The following LUC7L2 variants were observed in gnomAD, a reference collection of about 807,000 sequenced individuals.
LUC7L2 encodes the protein putative RNA-binding protein Luc7-like 2.
A neutral mutation model predicts 52.8 loss-of-function variants in LUC7L2; 25 were observed. The ratio of observed to expected loss-of-function variants is 0.47; its 90% CI spans 0.34 to 0.66. The LOEUF (loss-of-function observed/expected upper bound fraction) is 0.66, where lower values mean the gene tolerates loss of function less well. Ranked by LOEUF, LUC7L2 falls within the 30% of genes least tolerant of loss-of-function variation. LUC7L2 has a pLI of 0.01. For synonymous variants in LUC7L2, 144 were observed against 160.9 expected, an observed-to-expected ratio of 0.89 and a Z score of 0.80; for missense variants, 328 against 497.8, an observed-to-expected ratio of 0.66 and a Z score of 3.25.
At position 139,341,370 on chromosome 7, in the gene LUC7L2, GAGA is replaced by G. The variant is rs559843930; in HGVS notation, c.-26+856_-26+858del. 899 of 1,605,168 alleles carry G rather than the reference GAGA, an allele frequency of 5.6e-4. 5 individuals carry two copies. The highest frequency in any genetic ancestry group is 4.1e-3 in the South Asian group (373 of 90,848). ...AGGACGCCGTTGGGCACCACGCTCG[GAGA>G]AGGACAGGACAATGGCGGCCTTAGG... is the stretch of plus-strand genomic sequence containing the variant. On this transcript the variant is annotated intron_variant, in intron 1 of 10. Transcript: ENST00000541170.
chr7:139,374,403 T>C, intron 1 of LUC7L2: 1 of 1,550,648 alleles, frequency 6.4e-7, no homozygotes, highest in South Asian at 1.2e-5. Flanking sequence ...TTGTAAAGGT[T>C]CAATGTATCT....
chr7:139,416,850 C>T (rs1191039361), intron 8 of LUC7L2: 1 of 152,126 alleles, frequency 6.6e-6, no homozygotes, highest in Non-Finnish European at 1.5e-5. Flanking sequence ...CTGTCCAGGT[C>T]TGTCAGGTAC....
At chr7:139,351,854 A>G (rs1334846704) in intron 1 of LUC7L2, among the ~76,000 whole-genome samples, 3 of 152,208 alleles carry the variant, frequency 2.0e-5, no homozygotes, top group East Asian at 3.8e-4. Flanking sequence ...ACAAGGATGT[A>G]TGAATGCCTA....
chr7:139,359,796 G>A, upstream of LUC7L2: 1 of 402,296 alleles, frequency 2.5e-6, no homozygotes, highest in Non-Finnish European at 4.4e-6. Context: ...AGAGCCGTTA[G>A]GGTGGAACTC....
chr7:139,341,391 G>A (rs1798950720), intron 1 of LUC7L2: 6 of 1,612,698 alleles, frequency 3.7e-6, no homozygotes, highest in Admixed American at 1.7e-5. Flanking sequence ...GACAATGGCG[G>A]CCTTAGGGTC....
chr7:139,391,010 T>G (rs1794427170), intron 2 of LUC7L2, among the ~76,000 whole-genome samples: 2 of 152,254 alleles, frequency 1.3e-5, no homozygotes, highest in African/African-American at 4.8e-5. Context: ...CAAGCTTGTG[T>G]GTTTTAACAG....
rs533771989 is a variant in LUC7L2 at position 139,387,471 on chromosome 7, C to T, written c.157-11128C>T. 1.7e-3 allele frequency among the ~76,000 whole-genome samples: 252 copies of T among 152,244 alleles called. 1 individual carries two copies. The highest frequency in any genetic ancestry group is 5.4e-3 in the African/African-American group (223 of 41,554). ...CTGGGATTACAGGTGTGAGCCACTG[C>T]GCCTGGCTGAAAATTTTTATTTTAT... On this transcript the variant is annotated intron_variant, in intron 2 of 9. Coordinates refer to ENST00000354926, the MANE Select transcript of LUC7L2 (RefSeq NM_016019.5).
chr7:139,387,516 G>A (rs921085854), intron 2 of LUC7L2, among the ~76,000 whole-genome samples: 6 of 151,984 alleles, frequency 3.9e-5, no homozygotes, highest in Non-Finnish European at 7.4e-5. Flanking sequence ...TTTTATACGA[G>A]AGCTCTTGTT....
chr7:139,393,024 T>C (rs1794511596), intron 2 of LUC7L2, among the ~76,000 whole-genome samples: 1 of 149,530 alleles, frequency 6.7e-6, no homozygotes, highest in Non-Finnish European at 1.5e-5. Flanking sequence ...CCCAGCACTT[T>C]GGGAGGCCGA....
intron 2 of LUC7L2, among the ~76,000 whole-genome samples, chr7:139,377,752 C>T (rs1398682863): frequency 2.0e-5 from 3 of 151,500 alleles, no homozygotes; most frequent in Non-Finnish European, 4.4e-5. Flanking sequence ...TGGTCTTGAA[C>T]TCCTGACCTC....
chr7:139,341,619 T>C (rs1798971671), intron 1 of LUC7L2: 1 of 1,516,660 alleles, frequency 6.6e-7, no homozygotes, highest in African/African-American at 1.4e-5. Flanking sequence ...TTCCTGCATT[T>C]CTGAGGCCAA....
At chr7:139,357,755 G>A (rs866896691), upstream of LUC7L2, among the ~76,000 whole-genome samples, 10 of 150,684 alleles carry the variant, frequency 6.6e-5, no homozygotes, top group Middle Eastern at 0.01. Context: ...GCAATGGCGC[G>A]ATCTCGGCTC....
At chr7:139,416,044 T>C (rs1341641788) in intron 8 of LUC7L2, 2 of 7,748 alleles carry the variant, frequency 2.6e-4, no homozygotes, top group African/African-American at 3.3e-3. Flanking sequence ...GTATAAAATA[T>C]ATATATATAT....
intron 1 of LUC7L2, chr7:139,375,038 A>G (rs1800635983): frequency 5.1e-6 from 5 of 983,492 alleles, no homozygotes; most frequent in African/African-American, 3.5e-5. Context: ...CATCGATAAT[A>G]TATCAGTTTA....
chr7:139,392,029 A>G (rs1794470436), intron 2 of LUC7L2, among the ~76,000 whole-genome samples: 1 of 152,180 alleles, frequency 6.6e-6, no homozygotes, highest in Non-Finnish European at 1.5e-5. Context: ...TTTCTTTGCC[A>G]CCTTCTCTTT....
chr7:139,398,771 T>G, intron 3 of LUC7L2, 74 bp downstream of exon 3: 1 of 1,412,760 alleles, frequency 7.1e-7, no homozygotes, highest in Non-Finnish European at 9.7e-7. Context: ...TAAGATCTCT[T>G]AATAGGAAAA....
chr7:139,367,949 A>G (rs958381534), intron 1 of LUC7L2, among the ~76,000 whole-genome samples: 1 of 152,228 alleles, frequency 6.6e-6, no homozygotes. Context: ...TGCTAGGGAA[A>G]GTGGCTGTGA....
chr7:139,401,527 A>G (rs1052866205), intron 3 of LUC7L2, among the ~76,000 whole-genome samples: 1 of 152,124 alleles, frequency 6.6e-6, no homozygotes, highest in African/African-American at 2.4e-5. Context: ...ATCTTGGCTC[A>G]CTGCAACCTC....
chr7:139,359,701 G>C (rs1389531197), upstream of LUC7L2: 4 of 398,152 alleles, frequency 1.0e-5, no homozygotes, highest in African/African-American at 2.1e-5. Context: ...CCTCGGGGCG[G>C]ATCCGGCTTG....
Sources: allele counts gnomAD v4.1 joint callset (sites outside exome capture counted in the v4.1 genomes callset), GRCh38; gene constraint gnomAD v4.1.1; transcripts MANE v1.5; gene names NCBI Gene and HGNC (gene_info 2026-07-23, HGNC 2026-07-21).